The following MRPS31 variants were observed in gnomAD, a reference collection of about 807,000 sequenced individuals.
MRPS31 encodes mitochondrial ribosomal protein S31.
MRPS31 carries 32 observed loss-of-function variants against 43.1 expected under a neutral mutation model. That is an observed-to-expected ratio of 0.74 (90% CI 0.56 to 1.00). The LOEUF (loss-of-function observed/expected upper bound fraction) is 1.00. Ranked by LOEUF, MRPS31 falls within the 50% of genes least tolerant of loss-of-function variation. MRPS31 has a pLI of 0.00. For synonymous variants in MRPS31, 165 were observed against 161.6 expected (o/e 1.02, Z -0.16); for missense variants, 437 against 466.7 (o/e 0.94, Z 0.59).
Position 40,759,053 on chromosome 13 carries a change from G to A in MRPS31, c.494C>T (p.Ser165Phe), listed in dbSNP as rs770323321. 14 of 1,607,720 alleles carry A rather than the reference G, an allele frequency of 8.7e-6. No homozygotes were observed. Among genetic ancestry groups the A allele is most frequent in the Middle Eastern group, 3.3e-4 (2 of 6,038 alleles). ...LVAAASAVAD[S>F]LPFDKQTTKS... ...GGTTGTTTGCTTATCAAAAGGGAGA[G>A]AATCTGCCACAGCAGATGCAGCTGC... Residue 165 changes from serine to phenylalanine, a missense_variant, in exon 3 of 7, where the codon TCT (serine) becomes TTT (phenylalanine). Transcript: ENST00000323563.
chr13:40,751,175 T>G (rs1442791184), intron 5 of MRPS31, among the ~76,000 whole-genome samples: 1 of 152,190 alleles, frequency 6.6e-6, no homozygotes, highest in Non-Finnish European at 1.5e-5. Context: ...AATCAGTTGT[T>G]AGCCTTAACT....
In MRPS31 at chr13:40,771,166, A is replaced by C; in HGVS notation, c.-30T>G. 2 of 1,570,748 alleles carry C rather than the reference A, an allele frequency of 1.3e-6. No individual in the cohort carries two copies. The highest frequency in any genetic ancestry group is 1.7e-6 in the Non-Finnish European group (2 of 1,155,120). ...GAGACACGAAATGAACCAAGAACAC[A>C]ACTGAAATGGTGCGTCCCGCTGCCA... On this transcript the variant is annotated 5_prime_UTR_variant, in exon 1 of 7. Transcript: ENST00000323563.
chr13:40,744,904 G>A (rs1880200236), intron 6 of MRPS31, among the ~76,000 whole-genome samples: 1 of 151,574 alleles, frequency 6.6e-6, no homozygotes, highest in South Asian at 2.1e-4. Context: ...ATGAGCCACT[G>A]CACCCAGCCC....
intron 4 of MRPS31, 67 bp downstream of exon 4, chr13:40,756,806 G>C: frequency 6.5e-7 from 1 of 1,536,704 alleles, no homozygotes; most frequent in Non-Finnish European, 8.9e-7. Flanking sequence ...ACACAATAAG[G>C]TAAATCTACA....
intron 6 of MRPS31, among the ~76,000 whole-genome samples, chr13:40,739,130 C>T (rs1880007432): frequency 6.6e-6 from 1 of 152,102 alleles, no homozygotes; most frequent in Admixed American, 6.6e-5. Context: ...CACAAGCATT[C>T]CTATACACCA....
At chr13:40,757,476 A>C (rs1880562577) in intron 3 of MRPS31, among the ~76,000 whole-genome samples, 1 of 109,986 alleles carries the variant, frequency 9.1e-6, no homozygotes, top group African/African-American at 3.7e-5. Context: ...ATGGAGTTTC[A>C]CTCTGTTGCC....
chr13:40,759,102 C>G lies in MRPS31; in HGVS notation c.445G>C (p.Glu149Gln), dbSNP rs764184452. ...ATEYAPKKRI[E>Q]PLSPELVAAA... is the part of the protein sequence containing the mutation. ...GCCACCAACTCAGGACTCAGGGGCT[C>G]AATTCTGAAAAAGAAAATGAAAAAC... Residue 149 changes from glutamate to glutamine, a missense_variant, in exon 3 of 7, where the codon GAG (glutamate) becomes CAG (glutamine). Transcript: ENST00000323563. 10 of 1,555,690 alleles carry G rather than the reference C, an allele frequency of 6.4e-6. No homozygotes were observed. Among genetic ancestry groups the G allele is most frequent in the Middle Eastern group, 1.7e-4 (1 of 5,736 alleles).
At chr13:40,741,584 G>A (rs768063699) in intron 6 of MRPS31, among the ~76,000 whole-genome samples, 1 of 152,126 alleles carries the variant, frequency 6.6e-6, no homozygotes, top group Non-Finnish European at 1.5e-5. Flanking sequence ...ACAATATCCA[G>A]TATCAGTTAG....
chr13:40,756,598 T>C (rs1880534152), intron 4 of MRPS31, among the ~76,000 whole-genome samples: 1 of 152,188 alleles, frequency 6.6e-6, no homozygotes, highest in African/African-American at 2.4e-5. Flanking sequence ...TCAGCTCCGC[T>C]TACTCTAAAT....
intron 4 of MRPS31, among the ~76,000 whole-genome samples, chr13:40,755,435 C>T (rs1409731229): frequency 6.6e-6 from 1 of 152,226 alleles, no homozygotes; most frequent in Non-Finnish European, 1.5e-5. Context: ...ATAGTTTACA[C>T]GTGTTTCTTT....
chr13:40,730,649 C>G (rs1879659579), intron 6 of MRPS31, among the ~76,000 whole-genome samples: 2 of 152,128 alleles, frequency 1.3e-5, no homozygotes, highest in South Asian at 4.1e-4. Context: ...CAACCTCCAC[C>G]TCCCAGGTTC....
intron 2 of MRPS31, among the ~76,000 whole-genome samples, chr13:40,766,482 C>T (rs1191619325): frequency 8.6e-5 from 13 of 151,824 alleles, no homozygotes; most frequent in Admixed American, 7.2e-4. Context: ...TTAGTAGAGA[C>T]GGGGTTTCAC....
intron 6 of MRPS31, among the ~76,000 whole-genome samples, chr13:40,739,633 C>T (rs567105502): frequency 0.017 from 2,660 of 152,090 alleles, 57 homozygotes; most frequent in African/African-American, 0.058. Flanking sequence ...GAAGTAACGC[C>T]GTATATCTAC....
At chr13:40,745,567 G>T (rs1306116621) in intron 6 of MRPS31, among the ~76,000 whole-genome samples, 1 of 152,068 alleles carries the variant, frequency 6.6e-6, no homozygotes, top group African/African-American at 2.4e-5. Flanking sequence ...TTTTTAATAT[G>T]TATTTTGTAT....
At chr13:40,742,681 A>G (rs1387629337) in intron 6 of MRPS31, among the ~76,000 whole-genome samples, 3 of 152,182 alleles carry the variant, frequency 2.0e-5, no homozygotes, top group South Asian at 2.1e-4. Flanking sequence ...ATTACAGCAC[A>G]TATTTCAGAT....
chr13:40,758,709 T>A (rs369570634), intron 3 of MRPS31, among the ~76,000 whole-genome samples: 17 of 152,248 alleles, frequency 1.1e-4, no homozygotes, highest in African/African-American at 3.9e-4. Flanking sequence ...CATTTATTTT[T>A]TCATGGACAA....
chr13:40,729,396 T>C lies in MRPS31; in HGVS notation c.1164A>G (p.Lys388=), dbSNP rs750410303. The C allele has an allele frequency of 1.3e-6, 2 of 1,526,500 alleles. No individual in the cohort carries two copies. Among genetic ancestry groups the C allele is most frequent in the African/African-American group, 1.4e-5 (1 of 72,422 alleles). The allele number at this position is 1,526,500 out of a possible 1,614,324, so 94.6% of individuals were successfully genotyped here. ...NYFNEKKDIL[K]ESNIQFN The stretch of plus-strand genomic sequence containing the variant: ...CTTAATTGAACTGTATGTTACTTTC[T>C]TTTAGAATATCCTTTTTTTCATTAA... The change falls in exon 7 of 7, where the codon AAA becomes AAG. Residue 388 remains lysine (K), a synonymous_variant. Transcript: ENST00000323563.
chr13:40,753,950 G>T, intron 5 of MRPS31, 69 bp downstream of exon 5: 1 of 976,694 alleles, frequency 1.0e-6, no homozygotes, highest in Non-Finnish European at 1.6e-6. Context: ...CAAACTATTA[G>T]AACACTAAGG....
chr13:40,745,071 A>C (rs1010899843), intron 6 of MRPS31, among the ~76,000 whole-genome samples: 1 of 148,538 alleles, frequency 6.7e-6, no homozygotes, highest in Non-Finnish European at 1.5e-5. Context: ...ACAGGCATGC[A>C]CCACCAAGCC....
Sources: gnomAD v4.1 joint callset for allele counts (sites outside exome capture counted in the v4.1 genomes callset) on GRCh38, gnomAD v4.1.1 for gene constraint, MANE v1.5 for transcripts, NCBI Gene and HGNC (gene_info 2026-07-23, HGNC 2026-07-21) for gene names.